ERC2: variants seen among roughly 807,000 people sequenced by gnomAD.
ERC2 encodes ELKS/RAB6-interacting/CAST family member 2.
Under a neutral mutation model 114.8 loss-of-function variants are expected in ERC2, and 42 were observed. That is an observed-to-expected ratio of 0.37 (90% CI 0.29 to 0.47). The LOEUF is 0.47. Ranked by LOEUF, ERC2 falls within the 20% of genes least tolerant of loss-of-function variation. ERC2 has a pLI of 0.99. For synonymous variants in ERC2, 454 were observed against 425.5 expected, an observed-to-expected ratio of 1.07 and a Z score of -0.82; for missense variants, 939 against 1,150.7, an observed-to-expected ratio of 0.82 and a Z score of 2.66.
chr3:56,201,772 T>C (rs1193588072), intron 3 of ERC2, among the ~76,000 whole-genome samples: 1 of 152,188 alleles, frequency 6.6e-6, no homozygotes, highest in Non-Finnish European at 1.5e-5. Context: ...CAGCAAAGAA[T>C]AAAAGGTTAA....
intron 6 of ERC2, among the ~76,000 whole-genome samples, chr3:56,107,789 T>C (rs1268857600): frequency 6.6e-6 from 1 of 152,194 alleles, no homozygotes; most frequent in Non-Finnish European, 1.5e-5. Context: ...CCATCCAAAG[T>C]AGAAAGCCTA....
At chr3:56,337,302 T>C (rs557814913) in intron 2 of ERC2, among the ~76,000 whole-genome samples, 3 of 152,312 alleles carry the variant, frequency 2.0e-5, no homozygotes, top group Admixed American at 1.3e-4. Flanking sequence ...AACCACAGTT[T>C]CCCACACTGA....
chr3:56,296,089 G>C lies in ERC2; in HGVS notation c.1004C>G (p.Ala335Gly). The C allele has an allele frequency of 6.2e-7, 1 of 1,613,324 alleles. No individual in the cohort carries two copies. Among genetic ancestry groups the C allele is most frequent in the Non-Finnish European group, 8.5e-7 (1 of 1,179,388 alleles). The change falls in exon 3 of 18, where the codon GCT becomes GGT. Residue 335 changes from alanine (A) to glycine (G), a missense_variant. Ala to Gly is a moderately conservative substitution (Grantham distance 60). Around this residue, in one of 5 missense-constraint regions of ERC2, gnomAD observed 148 missense variants for 159.1 expected, o/e 0.93. Transcript: ENST00000288221. ...TTCCAAGTGGCTGACCTGAGACTCAGCCTCTGCCATCCGCCGCGTTCGCTC... is the reference window on the plus strand; with the variant it reads ...TTCCAAGTGGCTGACCTGAGACTCACCCTCTGCCATCCGCCGCGTTCGCTC... ...DNERTRRMAE[A>G]ESQVSHLEVI...
chr3:56,264,569 C>A, intron 3 of ERC2, among the ~76,000 whole-genome samples: 1 of 150,372 alleles, frequency 6.7e-6, no homozygotes. Flanking sequence ...TGCACTCCAG[C>A]CTAGGTGACA....
At chr3:56,067,697 A>G (rs2076546779) in intron 7 of ERC2, among the ~76,000 whole-genome samples, 1 of 152,132 alleles carries the variant, frequency 6.6e-6, no homozygotes, top group African/African-American at 2.4e-5. Flanking sequence ...AGCTCTTATT[A>G]TTTTGAGATA....
At position 56,018,982 on chromosome 3, in the gene ERC2, T is replaced by C. The variant is rs943698998; in HGVS notation, c.1691A>G (p.Asn564Ser). The C allele has an allele frequency of 4.3e-6, 7 of 1,613,178 alleles. No homozygotes were observed. The highest frequency in any genetic ancestry group is 5.9e-6 in the Non-Finnish European group (7 of 1,179,478). The change falls in exon 8 of 18, where the codon AAC (asparagine) becomes AGC (serine). Residue 564 changes from asparagine (N) to serine (S), a missense_variant. Asn to Ser is a conservative substitution (Grantham distance 46, BLOSUM62 1). Transcript: ENST00000288221. ...CAAGGACTTCACTCTGTCTTTCAGGTTGGTCAGTTGCTTGTCTTTATCCCT... is the reference window on the plus strand; with the variant it reads ...CAAGGACTTCACTCTGTCTTTCAGGCTGGTCAGTTGCTTGTCTTTATCCCT... ...QLRDKDKQLT[N>S]LKDRVKSLQT... is the part of the protein sequence containing the mutation.
At chr3:55,566,404 A>C (rs919110920) in intron 17 of ERC2, among the ~76,000 whole-genome samples, 5 of 125,322 alleles carry the variant, frequency 4.0e-5, no homozygotes, top group African/African-American at 1.5e-4. Flanking sequence ...TATGCTGGTA[A>C]TTCTATTTAT....
chr3:55,745,470 GA>G (rs1168706129), intron 14 of ERC2, among the ~76,000 whole-genome samples: 2 of 152,240 alleles, frequency 1.3e-5, no homozygotes, highest in African/African-American at 4.8e-5. Flanking sequence ...TGAGTGAAAT[GA>G]AGGGACTTCC....
intron 17 of ERC2, among the ~76,000 whole-genome samples, chr3:55,602,959 G>A (rs1378051406): frequency 6.6e-6 from 1 of 152,072 alleles, no homozygotes. Flanking sequence ...GGTGGGACAG[G>A]GCATGCCTGT....
At chr3:56,007,388 C>T (rs910472113) in intron 9 of ERC2, 67 bp from the exon 10 acceptor site, 6 of 1,381,954 alleles carry the variant, frequency 4.3e-6, no homozygotes, top group Non-Finnish European at 6.0e-6. Context: ...TCAATTTGAA[C>T]ACATTGATTC....
chr3:55,565,947 A>G (rs2056342312), intron 17 of ERC2, among the ~76,000 whole-genome samples: 1 of 152,210 alleles, frequency 6.6e-6, no homozygotes, highest in South Asian at 2.1e-4. Flanking sequence ...CTTCTCTCAA[A>G]TTCCAAATTT....
At chr3:56,194,145 T>C (rs1327636626) in intron 3 of ERC2, among the ~76,000 whole-genome samples, 1 of 152,156 alleles carries the variant, frequency 6.6e-6, no homozygotes, top group Admixed American at 6.6e-5. Flanking sequence ...ACCCAACATG[T>C]AGTAGGTACT....
chr3:56,458,231 T>G (rs1170818784), intron 1 of ERC2, among the ~76,000 whole-genome samples: 1 of 152,164 alleles, frequency 6.6e-6, no homozygotes, highest in Non-Finnish European at 1.5e-5. Flanking sequence ...AAGAAACTGT[T>G]GTAAAAATAT....
At chr3:56,334,020 A>T (rs538531882) in intron 2 of ERC2, among the ~76,000 whole-genome samples, 1 of 152,348 alleles carries the variant, frequency 6.6e-6, no homozygotes. Flanking sequence ...TGCCTGACAC[A>T]AAGGAACCCC....
chr3:55,860,798 G>C (rs1303762884), intron 14 of ERC2, among the ~76,000 whole-genome samples: 1 of 152,004 alleles, frequency 6.6e-6, no homozygotes, highest in Non-Finnish European at 1.5e-5. Flanking sequence ...ACCTTTTTTA[G>C]TCCACACACT....
chr3:55,776,258 T>C (rs553343371), intron 14 of ERC2, among the ~76,000 whole-genome samples: 26 of 152,024 alleles, frequency 1.7e-4, no homozygotes, highest in African/African-American at 6.0e-4. Flanking sequence ...GTCCTGGAAA[T>C]CTCAAGAAGC....
intron 17 of ERC2, among the ~76,000 whole-genome samples, chr3:55,574,790 T>C (rs2056891639): frequency 6.6e-6 from 1 of 152,152 alleles, no homozygotes; most frequent in Non-Finnish European, 1.5e-5. Flanking sequence ...GTCCCATAAG[T>C]TCTCTTCAGT....
chr3:56,460,183 G>A (rs1367776691), intron 1 of ERC2, among the ~76,000 whole-genome samples: 1 of 152,238 alleles, frequency 6.6e-6, no homozygotes, highest in Non-Finnish European at 1.5e-5. Context: ...GCTCGGCCCT[G>A]GCTGTGAAAG....
chr3:56,034,797 C>CA (rs1277969963), intron 7 of ERC2, among the ~76,000 whole-genome samples: 1 of 151,576 alleles, frequency 6.6e-6, no homozygotes, highest in Non-Finnish European at 1.5e-5. Flanking sequence ...ACATAGCATA[C>CA]AAAAATGTAG....
Sources: allele counts gnomAD v4.1 joint callset (sites outside exome capture counted in the v4.1 genomes callset), GRCh38; gene constraint gnomAD v4.1.1; regional missense constraint gnomAD v4.1.1; transcripts MANE v1.5; gene names NCBI Gene and HGNC (gene_info 2026-07-23, HGNC 2026-07-21).